The following CHD7 variants were observed in gnomAD, a reference collection of about 807,000 sequenced individuals.
CHD7 encodes the protein ATP-dependent chromatin remodeler CHD7.
CHD7 carries 24 observed loss-of-function variants against 307.3 expected under a neutral mutation model. The ratio of observed to expected loss-of-function variants is 0.08; its 90% CI spans 0.06 to 0.11. CHD7 has a LOEUF of 0.11. Ranked by LOEUF, CHD7 falls within the 10% of genes least tolerant of loss-of-function variation. The pLI is 1.00. For missense variants in CHD7, 3,106 were observed against 3,727.1 expected (o/e 0.83, Z 4.34); for synonymous variants, 1,363 against 1,349.9 (o/e 1.01, Z -0.21).
At chr8:60,754,031 T>TG (rs1809770063) in intron 2 of CHD7, among the ~76,000 whole-genome samples, 1 of 152,196 alleles carries the variant, frequency 6.6e-6, no homozygotes, top group Admixed American at 6.5e-5. Flanking sequence ...AGTAAGTAAA[T>TG]GCAAAGAGAC....
At chr8:60,756,463 G>A (rs1254766147) in intron 2 of CHD7, among the ~76,000 whole-genome samples, 1 of 152,192 alleles carries the variant, frequency 6.6e-6, no homozygotes, top group Non-Finnish European at 1.5e-5. Context: ...TATGGTATAA[G>A]TGATATTTTA....
chr8:60,855,992 C>T lies in CHD7; in HGVS notation c.6954C>T (p.Asn2318=), dbSNP rs1254100203. Residue 2318 remains asparagine, a synonymous_variant, in exon 33 of 38, where the codon AAC becomes AAT. Coordinates refer to ENST00000423902, the MANE Select transcript of CHD7 (RefSeq NM_017780.4). ...SFWPKDRVMI[N]RLDNICEAVL... is the part of the protein sequence containing the mutation. ...CCCTCCAGGATAGAGTAATGATAAA[C>T]CGCTTAGACAACATCTGTGAAGCAG... The T allele has an allele frequency of 6.2e-7, 1 of 1,607,956 alleles. No individual in the cohort carries two copies. Among genetic ancestry groups the T allele is most frequent in the South Asian group, 1.1e-5 (1 of 89,812 alleles).
intron 8 of CHD7, among the ~76,000 whole-genome samples, chr8:60,817,837 C>A (rs1803818621): frequency 6.6e-6 from 1 of 152,104 alleles, no homozygotes; most frequent in Non-Finnish European, 1.5e-5. Context: ...GAAAGAGACA[C>A]CCTGTGTTCT....
chr8:60,777,366 A>G (rs891024748), intron 2 of CHD7, among the ~76,000 whole-genome samples: 7 of 152,242 alleles, frequency 4.6e-5, no homozygotes, highest in African/African-American at 1.7e-4. Flanking sequence ...GCTATACTCA[A>G]AATTGCTAAC....
chr8:60,823,959 C>A lies in CHD7; in HGVS notation c.3321C>A (p.Ala1107=), dbSNP rs1304737754. The change falls in exon 13 of 38, where the codon GCC becomes GCA. Residue 1107 remains alanine, a synonymous_variant. Transcript: ENST00000423902. ...IPWRCVVIDE[A]HRLKNRNCKL... is the part of the protein sequence containing the mutation. ...GGCGCTGTGTAGTCATTGATGAAGC[C>A]CACAGGCTGAAGAACAGGAACTGCA... is the stretch of plus-strand genomic sequence containing the variant. 1.2e-6 allele frequency: 2 copies of A among 1,613,800 alleles called. No homozygotes were observed. Among genetic ancestry groups the A allele is most frequent in the South Asian group, 2.2e-5 (2 of 91,064 alleles).
intron 4 of CHD7, among the ~76,000 whole-genome samples, chr8:60,796,714 T>C (rs1403943346): frequency 6.6e-6 from 1 of 152,166 alleles, no homozygotes; most frequent in East Asian, 1.9e-4. Flanking sequence ...AGGGCCTAAC[T>C]GTTACGTGTT....
intron 15 of CHD7, among the ~76,000 whole-genome samples, chr8:60,832,368 G>A (rs975258846): frequency 1.1e-4 from 17 of 152,076 alleles, no homozygotes; most frequent in African/African-American, 3.9e-4. Flanking sequence ...TCTAAAGAGA[G>A]TATCATGTGT....
intron 1 of CHD7, among the ~76,000 whole-genome samples, chr8:60,739,430 A>C (rs145259331): frequency 1.3e-5 from 2 of 152,318 alleles, no homozygotes; most frequent in Non-Finnish European, 2.9e-5. Context: ...TGCAACTGGC[A>C]CTGGAGATGT....
intron 2 of CHD7, among the ~76,000 whole-genome samples, chr8:60,754,616 A>AG (rs1809796106): frequency 6.6e-6 from 1 of 152,182 alleles, no homozygotes; most frequent in South Asian, 2.1e-4. Context: ...AATGTTTTGT[A>AG]GGGGGGAGCA....
chr8:60,787,084 A>G lies in CHD7; in HGVS notation c.2096+5654A>G, dbSNP rs77902702. On this transcript the variant is annotated intron_variant, in intron 3 of 37. Transcript: ENST00000423902. Reference sequence around the variant, plus strand: ...GACAACACCCTTAAACTTCCATAGAATACTAATTTTATGTGTAGCCCTGAC... The same window carrying G: ...GACAACACCCTTAAACTTCCATAGAGTACTAATTTTATGTGTAGCCCTGAC... Among the ~76,000 whole-genome samples the G allele has an allele frequency of 4.4e-3, 668 of 152,300 alleles. 4 individuals carry two copies. Among genetic ancestry groups the G allele is most frequent in the African/African-American group, 0.015 (641 of 41,550 alleles).
At chr8:60,861,414 A>G in intron 35 of CHD7, 1 of 315,342 alleles carries the variant, frequency 3.2e-6, no homozygotes, top group Non-Finnish European at 5.8e-6. Flanking sequence ...TATTCTTTCC[A>G]TGGCATCGTT....
chr8:60,815,275 G>T (rs1319287975), intron 7 of CHD7, among the ~76,000 whole-genome samples: 1 of 152,010 alleles, frequency 6.6e-6, no homozygotes, highest in African/African-American at 2.4e-5. Flanking sequence ...ATTTTTAATG[G>T]TTGTATAATT....
chr8:60,821,983 C>G, intron 10 of CHD7, 41 bp from the exon 11 acceptor site: 1 of 1,613,292 alleles, frequency 6.2e-7, no homozygotes, highest in Non-Finnish European at 8.5e-7. Context: ...GTGGTGTGGT[C>G]TTTGGGAAAC....
chr8:60,862,595 G>T lies in CHD7; in HGVS notation c.8019G>T (p.Leu2673=). 1 of 1,578,272 alleles carries T rather than the reference G, an allele frequency of 6.3e-7. No homozygotes were observed. Among genetic ancestry groups the T allele is most frequent in the East Asian group, 2.3e-5 (1 of 43,266 alleles). The part of the protein sequence containing the change: ...APPMKDLPRW[L]EENPEFAVAP... ...CAATGAAGGATCTACCCAGGTGGCTGGAAGAAAATCCTGAATTTGCAGTTG... is the reference window on the plus strand; with the variant it reads ...CAATGAAGGATCTACCCAGGTGGCTTGAAGAAAATCCTGAATTTGCAGTTG... Residue 2673 remains leucine, a synonymous_variant, in exon 37 of 38, where the codon CTG becomes CTT. Transcript: ENST00000423902.
At chr8:60,794,081 C>T (rs1255206400) in intron 3 of CHD7, among the ~76,000 whole-genome samples, 10 of 151,866 alleles carry the variant, frequency 6.6e-5, no homozygotes, top group Admixed American at 5.9e-4. Context: ...AAGATCACGC[C>T]GTTGCATTCT....
At chr8:60,749,188 T>C (rs959704150) in intron 2 of CHD7, among the ~76,000 whole-genome samples, 1 of 151,362 alleles carries the variant, frequency 6.6e-6, no homozygotes, top group Admixed American at 6.6e-5. Context: ...CTGGCCAACA[T>C]AGTGAAACCC....
chr8:60,741,789 TGGC>T lies in CHD7; in HGVS notation c.360_362del (p.Gly121del), dbSNP rs753326872. 6.2e-7 allele frequency: 1 copy of T among 1,613,838 alleles called. No individual in the cohort carries two copies. Among genetic ancestry groups the T allele is most frequent in the East Asian group, 2.2e-5 (1 of 44,874 alleles). ...CTCAGGTGCCCCATGGTGGCAGTGG[TGGC>T]GGTCAGATGGGTGTCTACCCTGGCA... is the stretch of plus-strand genomic sequence containing the variant. On this transcript the variant is annotated inframe_deletion, in exon 2 of 38. Coordinates refer to ENST00000423902, the MANE Select transcript of CHD7 (RefSeq NM_017780.4).
Position 60,866,664 on chromosome 8 carries a change from G to A in CHD7, c.*731G>A, listed in dbSNP as rs886063049. 2 of 152,552 alleles carry A rather than the reference G, an allele frequency of 1.3e-5. No homozygotes were observed. Among genetic ancestry groups the A allele is most frequent in the Non-Finnish European group, 2.9e-5 (2 of 68,024 alleles). 9.4% of individuals were successfully genotyped at this position (152,552 alleles called of 1,614,324 possible). ...AAAGAGTGAGAGAAGAGAGAATCAG[G>A]TACCTTTTTTAAATTAAAGGACTTT... On this transcript the variant is annotated 3_prime_UTR_variant, in exon 38 of 38. Transcript: ENST00000423902.
chr8:60,860,825 A>G, intron 34 of CHD7, 79 bp from the exon 35 acceptor site: 1 of 1,001,610 alleles, frequency 1.0e-6, no homozygotes, highest in Non-Finnish European at 1.5e-6. Flanking sequence ...CCATTCTAGG[A>G]TAGCGTTTTC....
Sources: allele counts gnomAD v4.1 joint callset (sites outside exome capture counted in the v4.1 genomes callset), GRCh38; gene constraint gnomAD v4.1.1; transcripts MANE v1.5; gene names NCBI Gene and HGNC (gene_info 2026-07-23, HGNC 2026-07-21).